The following NRG1 variants were observed in gnomAD, a reference collection of about 807,000 sequenced individuals.
The protein encoded by NRG1 is neuregulin 1, also known as pro-neuregulin-1, membrane-bound isoform.
Under a neutral mutation model 63.8 loss-of-function variants are expected in NRG1, and 18 were observed. The observed-to-expected ratio is 0.28, with a 90% CI of 0.19 to 0.42. NRG1 has a LOEUF of 0.42. Ranked by LOEUF, NRG1 falls within the 10% of genes least tolerant of loss-of-function variation. NRG1 has a pLI of 1.00. For synonymous variants in NRG1, 302 were observed against 301.3 expected (o/e 1.00, Z -0.02); for missense variants, 762 against 814.7 (o/e 0.94, Z 0.79).
chr8:31,769,927 C>A (rs1222173097), intron 1 of NRG1, among the ~76,000 whole-genome samples: 1 of 152,206 alleles, frequency 6.6e-6, no homozygotes. Flanking sequence ...GTGTTTATGT[C>A]CAGGGTCAGC....
At chr8:32,071,565 G>GAAGTATAAAGTATA (rs1045411344) in intron 1 of NRG1, among the ~76,000 whole-genome samples, 1 of 152,146 alleles carries the variant, frequency 6.6e-6, no homozygotes, top group African/African-American at 2.4e-5. Context: ...CGTTAACTAG[G>GAAGTATAAAGTATA]AAGTATAAAG....
intron 1 of NRG1, among the ~76,000 whole-genome samples, chr8:32,121,794 C>T (rs978949640): frequency 1.3e-5 from 2 of 151,848 alleles, no homozygotes; most frequent in Non-Finnish European, 2.9e-5. Context: ...GCAATAGACC[C>T]CAGGTTAAGA....
chr8:32,677,796 A>C (rs538752126), intron 5 of NRG1, among the ~76,000 whole-genome samples: 7 of 152,306 alleles, frequency 4.6e-5, no homozygotes, highest in African/African-American at 1.7e-4. Flanking sequence ...CTAAAAGCAA[A>C]ATTTATCAGC....
intron 1 of NRG1, among the ~76,000 whole-genome samples, chr8:31,710,699 A>AT (rs1811654851): frequency 6.6e-6 from 1 of 151,964 alleles, no homozygotes; most frequent in Non-Finnish European, 1.5e-5. Context: ...CCACATTTTA[A>AT]TTTTAATTAT....
At chr8:32,166,784 T>C (rs1341206140) in intron 1 of NRG1, among the ~76,000 whole-genome samples, 5 of 152,180 alleles carry the variant, frequency 3.3e-5, no homozygotes, top group Non-Finnish European at 7.4e-5. Flanking sequence ...TCTGTATCTG[T>C]AGGTAATGGA....
intron 1 of NRG1, among the ~76,000 whole-genome samples, chr8:31,658,881 G>T (rs1352752346): frequency 6.6e-6 from 1 of 152,158 alleles, no homozygotes; most frequent in Non-Finnish European, 1.5e-5. Flanking sequence ...GATGAATCTT[G>T]ACTACTTGAT....
chr8:32,167,758 A>T (rs1839551646), intron 1 of NRG1, among the ~76,000 whole-genome samples: 1 of 152,210 alleles, frequency 6.6e-6, no homozygotes, highest in Non-Finnish European at 1.5e-5. Context: ...CATTCTGGGG[A>T]TGGCATCTGG....
chr8:31,727,949 A>C (rs1184402035), intron 1 of NRG1, among the ~76,000 whole-genome samples: 1 of 152,186 alleles, frequency 6.6e-6, no homozygotes, highest in Non-Finnish European at 1.5e-5. Flanking sequence ...TAACGCAGAC[A>C]TCTCCTAGAC....
At chr8:32,221,218 C>T (rs1845780800) in intron 1 of NRG1, 1 of 151,918 alleles carries the variant, frequency 6.6e-6, no homozygotes, top group Non-Finnish European at 1.5e-5. Context: ...ATAGAAATCT[C>T]AGATGAGCTG....
chr8:32,113,887 T>A (rs139556745), intron 1 of NRG1, among the ~76,000 whole-genome samples: 62 of 152,326 alleles, frequency 4.1e-4, no homozygotes, highest in African/African-American at 1.4e-3. Context: ...TAAAAATGTA[T>A]TACTTTCTAG....
At chr8:32,647,427 C>G in intron 5 of NRG1, 1 of 985,364 alleles carries the variant, frequency 1.0e-6, no homozygotes, top group Non-Finnish European at 1.2e-6. Flanking sequence ...TATTTTCGTC[C>G]CTGTCCTCTT....
intron 1 of NRG1, among the ~76,000 whole-genome samples, chr8:32,011,834 T>C (rs913300631): frequency 6.6e-6 from 1 of 152,098 alleles, no homozygotes; most frequent in Non-Finnish European, 1.5e-5. Flanking sequence ...TAAACGAGAC[T>C]TTTTCACTAT....
In NRG1 at chr8:31,848,445, T is replaced by A. The variant is rs541097138; in HGVS notation, c.37+209014T>A. 2.6e-5 allele frequency among the ~76,000 whole-genome samples: 4 copies of A among 152,268 alleles called. No individual in the cohort carries two copies. The South Asian group carries it at 8.3e-4, about 32-fold the overall frequency. ...CACCCAGGCTCCCATTGGTGTGAAT[T>A]GGGCAATGCTGTTTACATAGCAAAT... On this transcript the variant is annotated intron_variant, in intron 1 of 10. Coordinates refer to the NRG1 transcript ENST00000519301.
intron 1 of NRG1, among the ~76,000 whole-genome samples, chr8:32,470,364 T>C (rs13276203): frequency 6.6e-6 from 1 of 151,636 alleles, no homozygotes; most frequent in Admixed American, 6.6e-5. Context: ...TATTTTTTTC[T>C]TTTTTTCTTT....
chr8:31,871,112 G>A (rs1024143739), intron 1 of NRG1, among the ~76,000 whole-genome samples: 8 of 151,934 alleles, frequency 5.3e-5, no homozygotes, highest in African/African-American at 1.9e-4. Context: ...GAGTAGCTGG[G>A]ATTACAGGTA....
intron 5 of NRG1, among the ~76,000 whole-genome samples, chr8:32,676,074 A>G (rs964455669): frequency 4.6e-5 from 7 of 152,190 alleles, no homozygotes; most frequent in African/African-American, 1.7e-4. Context: ...AATTATTGTT[A>G]TTTTAATAGT....
chr8:32,761,186 C>T (rs1348855686), intron 11 of NRG1, among the ~76,000 whole-genome samples: 1 of 152,218 alleles, frequency 6.6e-6, no homozygotes, highest in Admixed American at 6.5e-5. Context: ...TCTCTTTCTC[C>T]ATTTTCACCT....
At chr8:32,305,022 T>C (rs1856027242) in intron 1 of NRG1, among the ~76,000 whole-genome samples, 1 of 151,654 alleles carries the variant, frequency 6.6e-6, no homozygotes, top group South Asian at 2.1e-4. Flanking sequence ...CTCCAATAAA[T>C]ACATAAAAAT....
rs532779059 is a variant in NRG1, at chr8:32,384,827, A to ATC, written c.38-211000_38-210999insCT. Among the ~76,000 whole-genome samples the ATC allele has an allele frequency of 2.6e-3, 390 of 152,336 alleles. 3 individuals carry two copies. The highest frequency in any genetic ancestry group is 8.8e-3 in the African/African-American group (364 of 41,572). On this transcript the variant is annotated intron_variant, in intron 1 of 10. Coordinates refer to the NRG1 transcript ENST00000519301. The stretch of plus-strand genomic sequence containing the variant: ...AAAATTCCCCAAGTAACTTAGTGAG[A>ATC]TTTCAAAAAGATCCTTGATTTTAGC...
Sources: gnomAD v4.1 joint callset for allele counts (sites outside exome capture counted in the v4.1 genomes callset) on GRCh38, gnomAD v4.1.1 for gene constraint, MANE v1.5 for transcripts, NCBI Gene and HGNC (gene_info 2026-07-23, HGNC 2026-07-21) for gene names.